The following SF3A1 variants were observed in gnomAD, a reference collection of about 807,000 sequenced individuals.
The protein encoded by SF3A1 is splicing factor 3a subunit 1.
SF3A1 carries 13 observed loss-of-function variants against 89.9 expected under a neutral mutation model. That is an observed-to-expected ratio of 0.14 (90% CI 0.09 to 0.23). The LOEUF (loss-of-function observed/expected upper bound fraction) is 0.23, where lower values mean the gene tolerates loss of function less well. SF3A1 is among the 10% of genes least tolerant of loss of function. The pLI is 1.00. For missense variants in SF3A1, 604 were observed against 1,022.1 expected (o/e 0.59, Z 5.58); for synonymous variants, 405 against 374.4 (o/e 1.08, Z -0.94).
chr22:30,356,349 G>T (rs1409709397), intron 1 of SF3A1, among the ~76,000 whole-genome samples: 1 of 152,260 alleles, frequency 6.6e-6, no homozygotes, highest in Non-Finnish European at 1.5e-5. Flanking sequence ...CATTACTGGG[G>T]AAAGGCTGTG....
intron 2 of SF3A1, among the ~76,000 whole-genome samples, chr22:30,348,278 T>C (rs1381460244): frequency 6.6e-6 from 1 of 152,212 alleles, no homozygotes; most frequent in Non-Finnish European, 1.5e-5. Context: ...CACCAAGGCA[T>C]GGCCCCGGCA....
intron 2 of SF3A1, among the ~76,000 whole-genome samples, chr22:30,347,990 T>C (rs1931470370): frequency 6.6e-6 from 1 of 152,192 alleles, no homozygotes; most frequent in South Asian, 2.1e-4. Context: ...TACAGGCATA[T>C]ACCACCATGC....
chr22:30,339,259 GTC>G lies in SF3A1; in HGVS notation c.1376-10_1376-9del. 4 of 1,613,640 alleles carry G rather than the reference GTC, an allele frequency of 2.5e-6. No individual in the cohort carries two copies. The highest frequency in any genetic ancestry group is 3.4e-6 in the Non-Finnish European group (4 of 1,180,028). ...TGCTCTCAATATCCAGACCTGTACAGTCACAAAACAGAGGCAGAGGATAGAAA... is the reference window on the plus strand; with the variant it reads ...TGCTCTCAATATCCAGACCTGTACAGACAAAACAGAGGCAGAGGATAGAAA... On this transcript the variant is annotated splice_polypyrimidine_tract_variant and intron_variant, in intron 9 of 15. Coordinates refer to ENST00000215793, the MANE Select transcript of SF3A1 (RefSeq NM_005877.6).
chr22:30,343,098 C>T (rs1205390129), intron 4 of SF3A1, among the ~76,000 whole-genome samples: 4 of 152,032 alleles, frequency 2.6e-5, no homozygotes, highest in Non-Finnish European at 5.9e-5. Context: ...AAAGTTGGCA[C>T]CATGAACTTA....
At chr22:30,351,577 T>C (rs1219462117) in intron 2 of SF3A1, among the ~76,000 whole-genome samples, 2 of 152,184 alleles carry the variant, frequency 1.3e-5, no homozygotes, top group Non-Finnish European at 2.9e-5. Flanking sequence ...CATGGCTCAC[T>C]ATAGCTTCAA....
At chr22:30,338,655 G>T (rs1931153209) in intron 11 of SF3A1, 134 bp downstream of exon 11, 1 of 1,102,286 alleles carries the variant, frequency 9.1e-7, no homozygotes, top group Non-Finnish European at 1.3e-6. Context: ...GCATTTAAAG[G>T]GCTCTTTCTC....
chr22:30,341,498 A>C (rs539190738), intron 7 of SF3A1, among the ~76,000 whole-genome samples, 194 bp downstream of exon 7: 1 of 152,332 alleles, frequency 6.6e-6, no homozygotes, highest in Non-Finnish European at 1.5e-5. Context: ...ATCCTTGCCT[A>C]TGAATGAATC....
chr22:30,353,815 C>A (rs753104365), intron 1 of SF3A1, among the ~76,000 whole-genome samples: 2 of 152,230 alleles, frequency 1.3e-5, no homozygotes, highest in East Asian at 1.9e-4. Flanking sequence ...GTTTTGTCTG[C>A]GACTCGTCCT....
intron 8 of SF3A1, 30 bp downstream of exon 8, chr22:30,340,665 C>A (rs757196438): frequency 1.1e-5 from 15 of 1,401,696 alleles, no homozygotes; most frequent in Non-Finnish European, 1.5e-5. Flanking sequence ...TCCTGGGCAG[C>A]CCGAGGGTTG....
chr22:30,348,533 A>C (rs771657040), intron 2 of SF3A1, among the ~76,000 whole-genome samples: 38 of 152,298 alleles, frequency 2.5e-4, no homozygotes, highest in Admixed American at 2.0e-3. Flanking sequence ...GACAGGGTAC[A>C]GGCAGTGCTG....
chr22:30,340,049 A>G (rs1931199912), intron 9 of SF3A1, 147 bp downstream of exon 9: 1 of 635,586 alleles, frequency 1.6e-6, no homozygotes, highest in Admixed American at 4.0e-5. Context: ...GTTCTTCTGG[A>G]AAGTGGGGAG....
intron 15 of SF3A1, among the ~76,000 whole-genome samples, chr22:30,335,109 A>G (rs926517947): frequency 2.0e-5 from 3 of 152,208 alleles, no homozygotes; most frequent in Non-Finnish European, 2.9e-5. Flanking sequence ...AGGCGGGGCT[A>G]GACTATCACC....
chr22:30,343,286 CCTCT>C (rs1195908985), intron 4 of SF3A1, among the ~76,000 whole-genome samples: 1 of 152,152 alleles, frequency 6.6e-6, no homozygotes, highest in African/African-American at 2.4e-5. Flanking sequence ...GCCCCACCTC[CCTCT>C]ATTTCTGCTC....
At position 30,332,886 on chromosome 22, in the gene SF3A1, G is replaced by A. The variant is rs1193148070; in HGVS notation, c.*1708C>T. On this transcript the variant is annotated 3_prime_UTR_variant, in exon 16 of 16. Coordinates refer to ENST00000215793, the MANE Select transcript of SF3A1 (RefSeq NM_005877.6). Reference sequence around the variant, plus strand: ...GCAGGGTTTGCCAGTCTGTGGGGGTGAGTGCCCTAACACCATGAACTGCCC... The same window carrying A: ...GCAGGGTTTGCCAGTCTGTGGGGGTAAGTGCCCTAACACCATGAACTGCCC... The A allele has an allele frequency of 1.3e-5, 2 of 152,248 alleles. No individual in the cohort carries two copies. The highest frequency in any genetic ancestry group is 6.5e-5 in the Admixed American group (1 of 15,278). The allele number at this position is 152,248 out of a possible 1,614,324, so 9.4% of individuals were successfully genotyped here. A position where few individuals can be genotyped will look rare whatever the true frequency, so the allele number is the denominator to read the frequency against.
chr22:30,332,063 G>C lies in SF3A1; in HGVS notation c.*2531C>G, dbSNP rs993301220. The C allele has an allele frequency of 8.5e-5, 13 of 152,158 alleles. No homozygotes were observed. Among genetic ancestry groups the C allele is most frequent in the African/African-American group, 3.1e-4 (13 of 41,418 alleles). The allele number at this position is 152,158 out of a possible 1,614,324, so 9.4% of individuals were successfully genotyped here. A position where few individuals can be genotyped will look rare whatever the true frequency, so the allele number is the denominator to read the frequency against. The stretch of plus-strand genomic sequence containing the variant: ...CTTATACACTGGTATGTGTACCCAT[G>C]AGTAGAGCTATATTATGCTTTCTTG... On this transcript the variant is annotated 3_prime_UTR_variant, in exon 16 of 16. Transcript: ENST00000215793.
Position 30,338,914 on chromosome 22 carries a change from C to T in SF3A1, c.1618G>A (p.Asp540Asn). 1.9e-6 allele frequency: 3 copies of T among 1,614,198 alleles called. No homozygotes were observed. The highest frequency in any genetic ancestry group is 2.5e-6 in the Non-Finnish European group (3 of 1,180,044). Reference protein sequence around the residue: ...HKAKGLVPEDDTKEKIGPSKP... With the variant: ...HKAKGLVPEDNTKEKIGPSKP... ...CTGGGGCCAATCTTCTCTTTAGTGTCATCCTCTGGCACCAGGCCTTTGGCC... is the reference window on the plus strand; with the variant it reads ...CTGGGGCCAATCTTCTCTTTAGTGTTATCCTCTGGCACCAGGCCTTTGGCC... The change falls in exon 11 of 16, where the codon GAC becomes AAC. Residue 540 changes from aspartate to asparagine, a missense_variant. Asp to Asn is a conservative substitution (Grantham distance 23). This residue lies in a region of SF3A1 where 22 missense variants were observed against 116.0 expected (regional missense o/e 0.19). Coordinates refer to ENST00000215793, the MANE Select transcript of SF3A1 (RefSeq NM_005877.6).
In SF3A1 at chr22:30,332,292, G is replaced by A. The variant is rs1457817714; in HGVS notation, c.*2302C>T. ...TTAAGTAGTGGGTAGAACTGAAAGT[G>A]AAATTCCTTAATGTCTACAATTCCT... On this transcript the variant is annotated 3_prime_UTR_variant, in exon 16 of 16. Transcript: ENST00000215793. 2.0e-5 allele frequency: 3 copies of A among 152,246 alleles called. No individual in the cohort carries two copies. Among genetic ancestry groups the A allele is most frequent in the African/African-American group, 4.8e-5 (2 of 41,460 alleles). 9.4% of individuals were successfully genotyped at this position (152,246 alleles called of 1,614,324 possible).
At chr22:30,339,443 C>T (rs775140380) in intron 9 of SF3A1, among the ~76,000 whole-genome samples, 192 bp from the exon 10 acceptor site, 7 of 152,174 alleles carry the variant, frequency 4.6e-5, no homozygotes, top group Admixed American at 2.0e-4. Context: ...AGTGCTTGGG[C>T]AACCCCTCTG....
In SF3A1 at chr22:30,335,616, C is replaced by A. The variant is rs760583465; in HGVS notation, c.2208+36G>T. On this transcript the variant is annotated intron_variant, in intron 14 of 15. Transcript: ENST00000215793. ...AGCTTTCCCCTGAATGCTTGGTTCC[C>A]ATGCACCTGATGCCAGTTTCTGGCA... 4.0e-5 allele frequency: 64 copies of A among 1,612,654 alleles called. No homozygotes were observed. In the South Asian group the frequency reaches 6.9e-4, roughly 17 times the overall value.
Sources: allele counts gnomAD v4.1 joint callset (sites outside exome capture counted in the v4.1 genomes callset), GRCh38; gene constraint gnomAD v4.1.1; regional missense constraint gnomAD v4.1.1; transcripts MANE v1.5; gene names NCBI Gene and HGNC (gene_info 2026-07-23, HGNC 2026-07-21).